Variants in CAGE1 observed in about 807,000 individuals in gnomAD.
CAGE1 encodes cancer antigen 1.
A neutral mutation model predicts 94.9 loss-of-function variants in CAGE1; 66 were observed. That is an observed-to-expected ratio of 0.70 (90% CI 0.57 to 0.85). The LOEUF (loss-of-function observed/expected upper bound fraction) is 0.85. CAGE1 is among the 40% of genes least tolerant of loss of function. The pLI is 0.00. For missense variants in CAGE1, 865 were observed against 950.4 expected (o/e 0.91, Z 1.18); for synonymous variants, 319 against 321.0 (o/e 0.99, Z 0.07).
At chr6:7,334,881 C>T (rs2764098) in intron 11 of CAGE1, among the ~76,000 whole-genome samples, 47,893 of 152,034 alleles carry the variant, frequency 0.32, 8,007 homozygotes, top group African/African-American at 0.42. Flanking sequence ...CTTCCTGTGG[C>T]TGCTGCAACA....
chr6:7,383,620 G>T (rs534572662), intron 3 of CAGE1, among the ~76,000 whole-genome samples: 1 of 152,206 alleles, frequency 6.6e-6, no homozygotes, highest in South Asian at 2.1e-4. Flanking sequence ...TTGTTATCTA[G>T]CAGGGTAAGT....
At chr6:7,345,546 A>G (rs1365946967) in intron 11 of CAGE1, among the ~76,000 whole-genome samples, 1 of 152,198 alleles carries the variant, frequency 6.6e-6, no homozygotes, top group African/African-American at 2.4e-5. Flanking sequence ...GCTATCACCA[A>G]GTAGTTTTCT....
chr6:7,361,122 T>C (rs1425437694), intron 9 of CAGE1, among the ~76,000 whole-genome samples: 1 of 152,194 alleles, frequency 6.6e-6, no homozygotes, highest in Non-Finnish European at 1.5e-5. Context: ...GTCAGTTACA[T>C]AAATAATGAC....
intron 11 of CAGE1, among the ~76,000 whole-genome samples, chr6:7,344,482 C>T (rs1759340657): frequency 6.6e-6 from 1 of 152,260 alleles, no homozygotes; most frequent in African/African-American, 2.4e-5. Flanking sequence ...CTACAGCCCG[C>T]CATGCCTGAG....
At chr6:7,363,266 C>T (rs1760219705) in intron 9 of CAGE1, among the ~76,000 whole-genome samples, 1 of 152,122 alleles carries the variant, frequency 6.6e-6, no homozygotes, top group Non-Finnish European at 1.5e-5. Flanking sequence ...AAGGATCCGT[C>T]TCTAAAAACA....
intron 3 of CAGE1, 117 bp from the exon 4 acceptor site, chr6:7,379,137 TTCAA>T: frequency 1.5e-6 from 1 of 645,482 alleles, no homozygotes; most frequent in Non-Finnish European, 2.4e-6. Context: ...TATATATTAT[TTCAA>T]CCTTATTTAC....
chr6:7,371,711 C>T (rs539819800), intron 5 of CAGE1, among the ~76,000 whole-genome samples: 189 of 152,134 alleles, frequency 1.2e-3, no homozygotes, highest in Middle Eastern at 3.4e-3. Context: ...TGCTTGAACC[C>T]GGGAGGCAGA....
chr6:7,378,930 C>T lies in CAGE1; in HGVS notation c.374G>A (p.Cys125Tyr). 6.3e-7 allele frequency: 1 copy of T among 1,597,598 alleles called. No homozygotes were observed. Among genetic ancestry groups the T allele is most frequent in the Non-Finnish European group, 8.5e-7 (1 of 1,170,954 alleles). Residue 125 changes from cysteine (C) to tyrosine (Y), a missense_variant, in exon 4 of 14, where the codon TGC becomes TAC. Coordinates refer to ENST00000502583, the MANE Select transcript of CAGE1 (RefSeq NM_001170692.2). ...ISSLRQFETVCKFHWVEAFDD... is the reference protein window; with the variant it reads ...ISSLRQFETVYKFHWVEAFDD... ...AAATGCTTCTACCCAGTGAAATTTG[C>T]AAACGGTTTCAAATTGTCTCAAGGA...
intron 11 of CAGE1, among the ~76,000 whole-genome samples, chr6:7,352,246 A>G (rs1402707842): frequency 6.9e-6 from 1 of 145,952 alleles, no homozygotes; most frequent in African/African-American, 2.5e-5. Context: ...ACAGCGACCA[A>G]GTGGAGAATC....
rs1759084664 is a variant in CAGE1, at chr6:7,339,391, C to G, written c.2370-5301G>C. ...TCCCGAATCCGCCGGCCCTTCTCAC[C>G]AAGAACATTCTGTGTTCTGGTGGCT... is the stretch of plus-strand genomic sequence containing the variant. On this transcript the variant is annotated intron_variant, in intron 11 of 13. Coordinates refer to ENST00000502583, the MANE Select transcript of CAGE1 (RefSeq NM_001170692.2). This position sits in a 1 kb window ranked among gnomAD's most constrained non-coding sequence, Gnocchi z 4.7. 24 of 1,602,176 alleles carry G rather than the reference C, an allele frequency of 1.5e-5. No homozygotes were observed. The highest frequency in any genetic ancestry group is 2.6e-6 in the Non-Finnish European group (3 of 1,170,282).
Position 7,378,896 on chromosome 6 carries a change from TTCA to T in CAGE1, c.405_407del (p.Asp135del). The T allele has an allele frequency of 6.2e-7, 1 of 1,609,938 alleles. No homozygotes were observed. The highest frequency in any genetic ancestry group is 8.5e-7 in the Non-Finnish European group (1 of 1,177,550). On this transcript the variant is annotated inframe_deletion, in exon 4 of 14. Coordinates refer to ENST00000502583, the MANE Select transcript of CAGE1 (RefSeq NM_001170692.2). The stretch of plus-strand genomic sequence containing the variant: ...TTTGAAATTCTGGCTTCTCTGTCAT[TTCA>T]TCATCAAATGCTTCTACCCAGTGAA...
At chr6:7,381,622 G>A (rs1409034989) in intron 3 of CAGE1, among the ~76,000 whole-genome samples, 3 of 150,588 alleles carry the variant, frequency 2.0e-5, no homozygotes, top group African/African-American at 7.3e-5. Context: ...TCCACCTCCT[G>A]GGTTCAAGCA....
At chr6:7,353,301 C>T (rs1759846874) in intron 11 of CAGE1, among the ~76,000 whole-genome samples, 1 of 152,150 alleles carries the variant, frequency 6.6e-6, no homozygotes, top group Non-Finnish European at 1.5e-5. Flanking sequence ...CTCAACATCA[C>T]TAATGATCAG....
At chr6:7,341,059 T>C in intron 11 of CAGE1, 2 of 497,600 alleles carry the variant, frequency 4.0e-6, no homozygotes, top group Non-Finnish European at 7.9e-6. Flanking sequence ...GATCCAGATA[T>C]AGAGGCCAGA....
Position 7,339,235 on chromosome 6 carries a change from C to G in CAGE1, c.2370-5145G>C. The G allele has an allele frequency of 1.3e-6, 2 of 1,579,442 alleles. No homozygotes were observed. The highest frequency in any genetic ancestry group is 1.7e-6 in the Non-Finnish European group (2 of 1,149,864). On this transcript the variant is annotated intron_variant, in intron 11 of 13. Transcript: ENST00000502583. The surrounding 1 kb of genome is among the most constrained non-coding windows in gnomAD (Gnocchi z 4.7). Reference sequence around the variant, plus strand: ...TAGCAGGCCCTCCGCACAGCAAGCCCTCCTAGGAGTTTGTAAGGCAGAGAC... The same window carrying G: ...TAGCAGGCCCTCCGCACAGCAAGCCGTCCTAGGAGTTTGTAAGGCAGAGAC...
intron 2 of CAGE1, among the ~76,000 whole-genome samples, 195 bp downstream of exon 2, chr6:7,386,784 A>C (rs1051208365): frequency 2.6e-5 from 4 of 152,170 alleles, no homozygotes; most frequent in African/African-American, 9.7e-5. Context: ...ATGGGGTCTC[A>C]CCATGTTGCC....
intron 9 of CAGE1, among the ~76,000 whole-genome samples, chr6:7,363,719 A>G (rs1427520350): frequency 1.3e-5 from 2 of 152,194 alleles, no homozygotes; most frequent in African/African-American, 4.8e-5. Context: ...GTCAAGGGGC[A>G]GGGGTCTGCC....
At chr6:7,380,056 C>G (rs900440183) in intron 3 of CAGE1, among the ~76,000 whole-genome samples, 23 of 152,234 alleles carry the variant, frequency 1.5e-4, no homozygotes, top group Admixed American at 6.5e-5. Flanking sequence ...GATTGGAGAC[C>G]ACCACTCTCA....
At chr6:7,373,043 G>A (rs1306670083) in intron 5 of CAGE1, 30 bp downstream of exon 5, 9 of 1,476,690 alleles carry the variant, frequency 6.1e-6, no homozygotes, top group Non-Finnish European at 8.3e-6. Context: ...TTGAAATTCC[G>A]CATTAGAGAT....
Sources: gnomAD v4.1 joint callset for allele counts (sites outside exome capture counted in the v4.1 genomes callset) on GRCh38, gnomAD v4.1.1 for gene constraint, Gnocchi (gnomAD v3.1) non-coding constraint, MANE v1.5 for transcripts, NCBI Gene and HGNC (gene_info 2026-07-23, HGNC 2026-07-21) for gene names.